LTBP4: variants seen among roughly 807,000 people sequenced by gnomAD.
LTBP4 encodes latent-transforming growth factor beta-binding protein 4.
A neutral mutation model predicts 180.2 loss-of-function variants in LTBP4; 93 were observed. The ratio of observed to expected loss-of-function variants is 0.52; its 90% CI spans 0.44 to 0.61. The LOEUF is 0.61. Among genes scored for constraint, LTBP4 ranks in the 20% least tolerant of loss-of-function variants. LTBP4 has a pLI of 0.00. For missense variants in LTBP4, 2,116 were observed against 2,256.5 expected (o/e 0.94, Z 1.26); for synonymous variants, 947 against 934.5 (o/e 1.01, Z -0.24).
At chr19:40,624,111 C>A (rs746676656) in intron 26 of LTBP4, 29 bp downstream of exon 26, 3 of 1,500,982 alleles carry the variant, frequency 2.0e-6, no homozygotes, top group Admixed American at 2.1e-5. Context: ...TCCAGGCCCT[C>A]CTTCCCTTGG....
chr19:40,611,318 T>C lies in LTBP4; in HGVS notation c.1977T>C (p.Cys659=). ...CGCCGCCCTGTGGGCCCGGCCGCTG[T>C]GACAACACGGCAGGCTCCTTTCACT... The part of the protein sequence containing the change: ...QEPPPCGPGR[C]DNTAGSFHCA... Residue 659 remains cysteine, a synonymous_variant, in exon 13 of 30, where the codon TGT becomes TGC. Coordinates refer to ENST00000396819, the MANE Select transcript of LTBP4 (RefSeq NM_001042545.2). The surrounding 1 kb of genome is among the most constrained non-coding windows in gnomAD (Gnocchi z 4.4). 6.2e-7 allele frequency: 1 copy of C among 1,612,252 alleles called. No homozygotes were observed. Among genetic ancestry groups the C allele is most frequent in the Non-Finnish European group, 8.5e-7 (1 of 1,179,596 alleles).
chr19:40,609,419 G>C lies in LTBP4; in HGVS notation c.1427-111G>C. 1 of 1,357,576 alleles carries C rather than the reference G, an allele frequency of 7.4e-7. No homozygotes were observed. The highest frequency in any genetic ancestry group is 1.3e-5 in the South Asian group (1 of 75,856). 84.1% of individuals were successfully genotyped at this position (1,357,576 alleles called of 1,614,324 possible). A position where few individuals can be genotyped will look rare whatever the true frequency, so the allele number is the denominator to read the frequency against. ...AAGAAGACTGGGCTTGCTTGGGGAG[G>C]AGACATCCATGAAGGTGTTTTATGG... On this transcript the variant is annotated intron_variant, in intron 9 of 29. Coordinates refer to ENST00000396819, the MANE Select transcript of LTBP4 (RefSeq NM_001042545.2). The surrounding 1 kb of genome is among the most constrained non-coding windows in gnomAD (Gnocchi z 4.9).
intron 19 of LTBP4, among the ~76,000 whole-genome samples, chr19:40,615,118 C>G (rs376802242): frequency 3.9e-4 from 59 of 149,948 alleles, no homozygotes; most frequent in African/African-American, 1.4e-3. Flanking sequence ...GCTCTTTCAC[C>G]CCTCCCGGGT....
chr19:40,622,640 A>G lies in LTBP4; in HGVS notation c.3457A>G (p.Ile1153Val), dbSNP rs1289160935. ...VGEGWGSGCR[I>V]QQCPGTETAE... is the part of the protein sequence containing the mutation. ...TGAGGGCTGGGGCAGCGGCTGCCGCATCCAGCAGTGCCCGGGCACCGAGAC... is the reference window on the plus strand; with the variant it reads ...TGAGGGCTGGGGCAGCGGCTGCCGCGTCCAGCAGTGCCCGGGCACCGAGAC... Residue 1153 changes from isoleucine (I) to valine (V), a missense_variant, in exon 23 of 30, where the codon ATC (isoleucine) becomes GTC (valine). By Grantham distance (29) the Ile-to-Val change is conservative (BLOSUM62 3). Coordinates refer to ENST00000396819, the MANE Select transcript of LTBP4 (RefSeq NM_001042545.2). This position sits in a 1 kb window ranked among gnomAD's most constrained non-coding sequence, Gnocchi z 5.1. 1.2e-6 allele frequency: 2 copies of G among 1,607,172 alleles called. No homozygotes were observed. Among genetic ancestry groups the G allele is most frequent in the East Asian group, 4.5e-5 (2 of 44,706 alleles).
rs1183941540 is a variant in LTBP4 at position 40,627,707 on chromosome 19, T to C, written c.4369T>C (p.Ser1457Pro). 6.3e-7 allele frequency: 1 copy of C among 1,591,894 alleles called. No individual in the cohort carries two copies. Among genetic ancestry groups the C allele is most frequent in the Non-Finnish European group, 8.5e-7 (1 of 1,170,542 alleles). The change falls in exon 29 of 30, where the codon TCC (serine) becomes CCC (proline). Residue 1457 changes from serine to proline, a missense_variant and splice_region_variant. By Grantham distance (74) the Ser-to-Pro change is moderately conservative. Transcript: ENST00000396819. Reference sequence around the variant, plus strand: ...TAGGGTCCCCGCATTTCCCACAGGTTCCCTGGCTGAGCCCTACGAGGAGCT... The same window carrying C: ...TAGGGTCCCCGCATTTCCCACAGGTCCCCTGGCTGAGCCCTACGAGGAGCT... ...EPPEGGSYAG[S>P]LAEPYEELEA...
chr19:40,627,714 C>A lies in LTBP4; in HGVS notation c.4376C>A (p.Ala1459Asp). 6.3e-7 allele frequency: 1 copy of A among 1,594,646 alleles called. No individual in the cohort carries two copies. ...PEGGSYAGSL[A>D]EPYEELEAEE... ...CCCGCATTTCCCACAGGTTCCCTGG[C>A]TGAGCCCTACGAGGAGCTGGAGGCG... is the stretch of plus-strand genomic sequence containing the variant. Residue 1459 changes from alanine (A) to aspartate (D), a missense_variant, in exon 29 of 30, where the codon GCT becomes GAT. This residue lies in a region of LTBP4 where 488 missense variants were observed against 458.8 expected (regional missense o/e 1.06). Transcript: ENST00000396819.
At position 40,611,999 on chromosome 19, in the gene LTBP4, G is replaced by T; in HGVS notation, c.2179+15G>T. 3 of 1,611,644 alleles carry T rather than the reference G, an allele frequency of 1.9e-6. No individual in the cohort carries two copies. The highest frequency in any genetic ancestry group is 2.5e-6 in the Non-Finnish European group (3 of 1,178,638). On this transcript the variant is annotated intron_variant, in intron 14 of 29. Coordinates refer to ENST00000396819, the MANE Select transcript of LTBP4 (RefSeq NM_001042545.2). This position sits in a 1 kb window ranked among gnomAD's most constrained non-coding sequence, Gnocchi z 4.4. ...CGAGTGCGAGGGTGAGGCCGGGGAG[G>T]GAGGGAGGAGTGTGGATGGGTGAGG...
intron 21 of LTBP4, among the ~76,000 whole-genome samples, chr19:40,618,860 G>A (rs1181584167): frequency 6.6e-6 from 1 of 152,130 alleles, no homozygotes; most frequent in East Asian, 1.9e-4. Flanking sequence ...ATTTTAACAA[G>A]GCTATTTCTA....
upstream of LTBP4, chr19:40,597,442 C>CCA: frequency 7.1e-7 from 1 of 1,400,738 alleles, no homozygotes; most frequent in South Asian, 1.5e-5. Flanking sequence ...AGGAGGACCA[C>CCA]GGCTTTCGGA....
chr19:40,605,338 G>C lies in LTBP4; in HGVS notation c.443-67G>C, dbSNP rs917605139. Reference sequence around the variant, plus strand: ...CACCTTTGCCCAGCTCGCCCTCCCCGCCTTGTCTAGCCCCACCCCGTAAGA... The same window carrying C: ...CACCTTTGCCCAGCTCGCCCTCCCCCCCTTGTCTAGCCCCACCCCGTAAGA... On this transcript the variant is annotated intron_variant, in intron 2 of 29. Coordinates refer to ENST00000396819, the MANE Select transcript of LTBP4 (RefSeq NM_001042545.2). This position sits in a 1 kb window ranked among gnomAD's most constrained non-coding sequence, Gnocchi z 5.5. The C allele has an allele frequency of 6.3e-7, 1 of 1,593,034 alleles. No homozygotes were observed. Among genetic ancestry groups the C allele is most frequent in the East Asian group, 2.3e-5 (1 of 44,412 alleles).
chr19:40,594,107 TG>T (rs892572230), intron 1 of LTBP4, among the ~76,000 whole-genome samples: 40 of 111,284 alleles, frequency 3.6e-4, no homozygotes, highest in South Asian at 2.4e-3. Flanking sequence ...GGGGAGGGGG[TG>T]GGGGGGGAGA....
At position 40,619,511 on chromosome 19, in the gene LTBP4, A is replaced by G. The variant is rs915238218; in HGVS notation, c.3217+18A>G. On this transcript the variant is annotated intron_variant, in intron 22 of 29. Coordinates refer to ENST00000396819, the MANE Select transcript of LTBP4 (RefSeq NM_001042545.2). ...TTCTGCTGGTGAGACTGATGTGTCT[A>G]TTTAACTGATGGCGGCTGGCCCCAT... The G allele has an allele frequency of 6.3e-7, 1 of 1,591,970 alleles. No homozygotes were observed. Among genetic ancestry groups the G allele is most frequent in the African/African-American group, 1.3e-5 (1 of 74,468 alleles).
At chr19:40,628,077 G>A (rs2081650758) in intron 29 of LTBP4, among the ~76,000 whole-genome samples, 1 of 152,256 alleles carries the variant, frequency 6.6e-6, no homozygotes, top group Non-Finnish European at 1.5e-5. Context: ...CACGGGGCTG[G>A]AGCCGGGCCT....
Position 40,605,256 on chromosome 19 carries a change from G to T in LTBP4, c.442+30G>T. On this transcript the variant is annotated intron_variant, in intron 2 of 29. Transcript: ENST00000396819. The surrounding 1 kb of genome is among the most constrained non-coding windows in gnomAD (Gnocchi z 5.5). Reference sequence around the variant, plus strand: ...GGAAAGGGTGGCCAGAGTCCCCTCCGACCCCTGTCAAGCATTTCACTTTGC... The same window carrying T: ...GGAAAGGGTGGCCAGAGTCCCCTCCTACCCCTGTCAAGCATTTCACTTTGC... 6.4e-7 allele frequency: 1 copy of T among 1,565,938 alleles called. No homozygotes were observed. The highest frequency in any genetic ancestry group is 8.7e-7 in the Non-Finnish European group (1 of 1,154,880).
At position 40,613,781 on chromosome 19, in the gene LTBP4, G is replaced by A; in HGVS notation, c.2558-135G>A. The stretch of plus-strand genomic sequence containing the variant: ...AACCCGTCGGGGGGCGGTGTTTGCA[G>A]GGAGGGAAGTAGCGTGAGGCAGGTT... On this transcript the variant is annotated intron_variant, in intron 17 of 29. Coordinates refer to ENST00000396819, the MANE Select transcript of LTBP4 (RefSeq NM_001042545.2). This position sits in a 1 kb window ranked among gnomAD's most constrained non-coding sequence, Gnocchi z 5.0. 1 of 1,386,738 alleles carries A rather than the reference G, an allele frequency of 7.2e-7. No individual in the cohort carries two copies. Among genetic ancestry groups the A allele is most frequent in the Non-Finnish European group, 9.9e-7 (1 of 1,005,546 alleles). 85.9% of individuals were successfully genotyped at this position (1,386,738 alleles called of 1,614,324 possible).
At chr19:40,597,171 GC>G, upstream of LTBP4, 3 of 1,223,918 alleles carry the variant, frequency 2.5e-6, no homozygotes, top group Non-Finnish European at 3.1e-6. Flanking sequence ...CAGGGGCGGG[GC>G]CGGGGCTAGC....
intron 1 of LTBP4, among the ~76,000 whole-genome samples, chr19:40,595,101 G>C (rs1290345038): frequency 6.6e-6 from 1 of 152,048 alleles, no homozygotes; most frequent in South Asian, 2.1e-4. Flanking sequence ...TTGGGATATG[G>C]GGCCTGGAAC....
At chr19:40,620,248 G>T (rs1256038128) in intron 22 of LTBP4, among the ~76,000 whole-genome samples, 14 of 148,192 alleles carry the variant, frequency 9.4e-5, no homozygotes, top group African/African-American at 2.7e-4. Context: ...TTTTTTAAAT[G>T]TTTTTTTTTT....
intron 1 of LTBP4, among the ~76,000 whole-genome samples, chr19:40,603,350 G>A (rs1338401862): frequency 6.6e-6 from 1 of 150,860 alleles, no homozygotes; most frequent in Non-Finnish European, 1.5e-5. Flanking sequence ...CCTTAGCTGG[G>A]AGGGGAGGGG....
Sources: allele counts gnomAD v4.1 joint callset (sites outside exome capture counted in the v4.1 genomes callset), GRCh38; gene constraint gnomAD v4.1.1; regional missense constraint gnomAD v4.1.1; non-coding constraint Gnocchi (gnomAD v3.1); transcripts MANE v1.5; gene names NCBI Gene and HGNC (gene_info 2026-07-23, HGNC 2026-07-21).